Variants in FGF14 observed in about 807,000 individuals in gnomAD.
FGF14 encodes the protein fibroblast growth factor homologous factor 4.
Under a neutral mutation model 25.5 loss-of-function variants are expected in FGF14, and 5 were observed. The observed-to-expected ratio is 0.20, with a 90% CI of 0.10 to 0.41. The LOEUF is 0.41. Among genes scored for constraint, FGF14 ranks in the 10% least tolerant of loss-of-function variants. The pLI, the probability that FGF14 is intolerant of heterozygous loss-of-function variation, is 1.00. For missense variants in FGF14, 222 were observed against 320.1 expected (o/e 0.69, Z 2.34); for synonymous variants, 138 against 118.3 (o/e 1.17, Z -1.08).
intron 1 of FGF14, among the ~76,000 whole-genome samples, chr13:102,337,556 T>A (rs1400064841): frequency 6.6e-6 from 1 of 152,220 alleles, no homozygotes; most frequent in Non-Finnish European, 1.5e-5. Flanking sequence ...ACTTACTTGA[T>A]AAAGCAGAAG....
intron 1 of FGF14, among the ~76,000 whole-genome samples, chr13:102,396,660 C>T (rs1437220256): frequency 6.6e-6 from 1 of 152,158 alleles, no homozygotes; most frequent in African/African-American, 2.4e-5. Flanking sequence ...ATCATTTGAA[C>T]AAATTTTCTC....
chr13:102,020,297 C>T (rs1188740860), intron 1 of FGF14, among the ~76,000 whole-genome samples: 1 of 152,072 alleles, frequency 6.6e-6, no homozygotes, highest in Non-Finnish European at 1.5e-5. Context: ...GCCTGTAATC[C>T]CAGCACTTTG....
intron 1 of FGF14, among the ~76,000 whole-genome samples, chr13:101,886,980 A>C (rs2046021330): frequency 6.6e-6 from 1 of 152,178 alleles, no homozygotes; most frequent in African/African-American, 2.4e-5. Flanking sequence ...ATGCAAATCA[A>C]AGCCACAATG....
chr13:102,397,608 T>C (rs1039481698), intron 1 of FGF14, among the ~76,000 whole-genome samples: 9 of 152,154 alleles, frequency 5.9e-5, no homozygotes, highest in African/African-American at 1.4e-4. Context: ...CTGTGTGTGG[T>C]TGAGTGGGTA....
chr13:101,850,612 A>G lies in FGF14; in HGVS notation c.408+18113T>C, dbSNP rs935099563. Among the ~76,000 whole-genome samples the G allele has an allele frequency of 2.5e-4, 34 of 137,176 alleles. No homozygotes were observed. In the East Asian group the frequency reaches 5.4e-3, roughly 22 times the overall value. The allele number at this position is 137,176 out of a possible 152,430, so 90.0% of individuals were successfully genotyped here. On this transcript the variant is annotated intron_variant, in intron 3 of 4. Transcript: ENST00000376143. ...TATATTATATAATTCTATATATAGCATATATATTCTATATATATAGAAATG... is the reference window on the plus strand; with the variant it reads ...TATATTATATAATTCTATATATAGCGTATATATTCTATATATATAGAAATG...
chr13:101,948,054 T>C (rs1253966626), intron 1 of FGF14, among the ~76,000 whole-genome samples: 1 of 152,216 alleles, frequency 6.6e-6, no homozygotes, highest in Admixed American at 6.5e-5. Context: ...GCCATTTGAA[T>C]GGATTTCTAC....
At chr13:101,925,387 A>T (rs542867131) in intron 1 of FGF14, among the ~76,000 whole-genome samples, 41 of 152,272 alleles carry the variant, frequency 2.7e-4, no homozygotes, top group African/African-American at 9.6e-4. Context: ...CATTCTTCCA[A>T]AAACTCTCTA....
chr13:102,235,246 C>T lies in FGF14; in HGVS notation c.208+166225G>A, dbSNP rs574141361. On this transcript the variant is annotated intron_variant, in intron 1 of 4. Coordinates refer to the FGF14 transcript ENST00000376131. ...TTTAATCATGCCAAACAATATGATC[C>T]ATTAATCATGTAGGATAATATTAAA... is the stretch of plus-strand genomic sequence containing the variant. Among the ~76,000 whole-genome samples, 37 of 152,194 alleles carry T rather than the reference C, an allele frequency of 2.4e-4. 1 individual carries two copies. In the South Asian group the frequency reaches 7.5e-3, roughly 31 times the overall value.
At chr13:102,300,541 T>C (rs1314771111) in intron 1 of FGF14, among the ~76,000 whole-genome samples, 1 of 152,116 alleles carries the variant, frequency 6.6e-6, no homozygotes, top group East Asian at 1.9e-4. Context: ...CTACATAATC[T>C]TCTATAACCC....
At chr13:101,775,998 A>G (rs1051279353) in intron 3 of FGF14, among the ~76,000 whole-genome samples, 2 of 152,188 alleles carry the variant, frequency 1.3e-5, no homozygotes, top group Non-Finnish European at 2.9e-5. Flanking sequence ...AGCGTTACAC[A>G]ACTTTCTGAA....
At chr13:101,980,897 G>A (rs2038207191) in intron 1 of FGF14, among the ~76,000 whole-genome samples, 1 of 152,150 alleles carries the variant, frequency 6.6e-6, no homozygotes, top group South Asian at 2.1e-4. Context: ...AGGAGGTAGA[G>A]TCGTTAAGAG....
At chr13:102,343,413 T>C (rs1364173623) in intron 1 of FGF14, among the ~76,000 whole-genome samples, 1 of 152,182 alleles carries the variant, frequency 6.6e-6, no homozygotes, top group Non-Finnish European at 1.5e-5. Context: ...CACTGTGAGC[T>C]GCTCCCTTAT....
At chr13:101,799,186 T>A (rs2040727956) in intron 3 of FGF14, among the ~76,000 whole-genome samples, 1 of 152,124 alleles carries the variant, frequency 6.6e-6, no homozygotes, top group Non-Finnish European at 1.5e-5. Context: ...CATTTGGGAA[T>A]GGGAGGTTGG....
intron 2 of FGF14, among the ~76,000 whole-genome samples, chr13:101,874,308 A>C (rs2045277402): frequency 6.6e-6 from 1 of 152,180 alleles, no homozygotes; most frequent in Non-Finnish European, 1.5e-5. Context: ...TTTATATGTG[A>C]AGAATAAGAC....
intron 3 of FGF14, among the ~76,000 whole-genome samples, chr13:101,740,984 A>G (rs571681413): frequency 1.1e-4 from 16 of 152,340 alleles, no homozygotes; most frequent in African/African-American, 3.4e-4. Flanking sequence ...GTTTTATAAA[A>G]AAGTCCCCGG....
Position 101,721,376 on chromosome 13 carries a change from A to C in FGF14, c.*1455T>G, listed in dbSNP as rs1447196102. On this transcript the variant is annotated 3_prime_UTR_variant, in exon 5 of 5. Coordinates refer to ENST00000376143, the MANE Select transcript of FGF14 (RefSeq NM_004115.4). Reference sequence around the variant, plus strand: ...TGTTAAACTAAAAAGGAAATTAAGAATGCAAAATAAAAGAAAATAAATGGA... The same window carrying C: ...TGTTAAACTAAAAAGGAAATTAAGACTGCAAAATAAAAGAAAATAAATGGA... 2 of 151,750 alleles carry C rather than the reference A, an allele frequency of 1.3e-5. No individual in the cohort carries two copies. The highest frequency in any genetic ancestry group is 4.9e-5 in the African/African-American group (2 of 41,076). 9.4% of individuals were successfully genotyped at this position (151,750 alleles called of 1,614,324 possible).
At chr13:101,789,617 C>A (rs2040114564) in intron 3 of FGF14, among the ~76,000 whole-genome samples, 1 of 152,120 alleles carries the variant, frequency 6.6e-6, no homozygotes, top group Admixed American at 6.6e-5. Flanking sequence ...AGCTGTCATG[C>A]ACCTGAGGTT....
At chr13:102,135,101 G>A (rs1321980798) in intron 1 of FGF14, among the ~76,000 whole-genome samples, 1 of 151,544 alleles carries the variant, frequency 6.6e-6, no homozygotes, top group African/African-American at 2.4e-5. Flanking sequence ...CTAGTTACTT[G>A]GAAGGCGGAG....
chr13:102,011,994 C>T (rs2040105133), intron 1 of FGF14, among the ~76,000 whole-genome samples: 1 of 152,060 alleles, frequency 6.6e-6, no homozygotes, highest in Non-Finnish European at 1.5e-5. Context: ...TTTTGCTACC[C>T]AAATATGTTT....
Sources: gnomAD v4.1 joint callset for allele counts (sites outside exome capture counted in the v4.1 genomes callset) on GRCh38, gnomAD v4.1.1 for gene constraint, MANE v1.5 for transcripts, NCBI Gene and HGNC (gene_info 2026-07-23, HGNC 2026-07-21) for gene names.